The following GSTA1 variants were observed in gnomAD, a reference collection of about 807,000 sequenced individuals.
GSTA1 encodes the protein glutathione S-transferase alpha 1, also known as glutathione S-transferase A1.
Under a neutral mutation model 21.5 loss-of-function variants are expected in GSTA1, and 23 were observed. That is an observed-to-expected ratio of 1.07 (90% confidence interval 0.77 to 1.52). The LOEUF (loss-of-function observed/expected upper bound fraction) is 1.52, where lower values mean the gene tolerates loss of function less well. Among genes scored for constraint, GSTA1 ranks in the 40% most tolerant of loss-of-function variants. The pLI is 0.00. For synonymous variants in GSTA1, 125 were observed against 90.0 expected, an observed-to-expected ratio of 1.39 and a Z score of -2.20; for missense variants, 301 against 264.2, an observed-to-expected ratio of 1.14 and a Z score of -0.96.
intron 6 of GSTA1, among the ~76,000 whole-genome samples, chr6:52,792,307 C>A (rs1271903873): frequency 6.6e-6 from 1 of 150,718 alleles, no homozygotes; most frequent in Non-Finnish European, 1.5e-5. Context: ...AGATGAGTCT[C>A]TAAGCAGAAG....
intron 1 of GSTA1, among the ~76,000 whole-genome samples, chr6:52,802,835 T>C (rs1763748706): frequency 1.3e-5 from 2 of 152,208 alleles, no homozygotes; most frequent in South Asian, 4.1e-4. Flanking sequence ...AAATCTGTCA[T>C]ATGATGGCTC....
Position 52,794,182 on chromosome 6 carries a change from G to C in GSTA1, c.357C>G (p.Ala119=). The part of the protein sequence containing the change: ...LPVCPPEEKD[A]KLALIKEKIK... ...TTTTCTCTTTGATCAAGGCAAGCTT[G>C]GCATCTTTTTCCTCAGGTGGACATA... The change falls in exon 5 of 7, where the codon GCC becomes GCG. Residue 119 remains alanine (A), a synonymous_variant. Transcript: ENST00000334575. 6.2e-7 allele frequency: 1 copy of C among 1,614,024 alleles called. No individual in the cohort carries two copies. The highest frequency in any genetic ancestry group is 8.5e-7 in the Non-Finnish European group (1 of 1,179,938).
intron 3 of GSTA1, among the ~76,000 whole-genome samples, chr6:52,796,708 A>G (rs1763599619): frequency 6.6e-6 from 1 of 150,406 alleles, no homozygotes; most frequent in Admixed American, 6.6e-5. Flanking sequence ...GCACATGGCT[A>G]ATTTTTGTAT....
At chr6:52,794,684 T>G (rs759993545) in intron 4 of GSTA1, among the ~76,000 whole-genome samples, 1 of 152,238 alleles carries the variant, frequency 6.6e-6, no homozygotes, top group Non-Finnish European at 1.5e-5. Flanking sequence ...CACAGCCATG[T>G]CAGCCATATT....
intron 1 of GSTA1, among the ~76,000 whole-genome samples, chr6:52,801,473 G>C (rs1431923422): frequency 6.6e-6 from 1 of 152,176 alleles, no homozygotes; most frequent in African/African-American, 2.4e-5. Flanking sequence ...TTGTTTAATT[G>C]TTATCGACTA....
rs1353639550 is a variant in GSTA1 at position 52,791,586 on chromosome 6, A to G, written c.*272T>C. On this transcript the variant is annotated 3_prime_UTR_variant, in exon 7 of 7. Coordinates refer to ENST00000334575, the MANE Select transcript of GSTA1 (RefSeq NM_145740.5). The stretch of plus-strand genomic sequence containing the variant: ...CTTGGAAAAGTCAAACAAACCACAT[A>G]ATCTATAGTTTCCTTTTTTACTGAA... 1.9e-5 allele frequency: 7 copies of G among 366,290 alleles called. No individual in the cohort carries two copies. Among genetic ancestry groups the G allele is most frequent in the Non-Finnish European group, 2.5e-5 (5 of 203,142 alleles). The allele number at this position is 366,290 out of a possible 1,614,324, so 22.7% of individuals were successfully genotyped here.
At position 52,793,104 on chromosome 6, in the gene GSTA1, G is replaced by A. The variant is rs1366199581; in HGVS notation, c.415-117C>T. On this transcript the variant is annotated intron_variant, in intron 5 of 6. Coordinates refer to ENST00000334575, the MANE Select transcript of GSTA1 (RefSeq NM_145740.5). ...ACCTCTGTTGCCTTACTGCATGGGT[G>A]CAGAAATCCAGAGCTTTCTCCACAT... is the stretch of plus-strand genomic sequence containing the variant. 7 of 1,411,548 alleles carry A rather than the reference G, an allele frequency of 5.0e-6. No individual in the cohort carries two copies. The East Asian group carries it at 1.1e-4, about 23-fold the overall frequency. 87.4% of individuals were successfully genotyped at this position (1,411,548 alleles called of 1,614,324 possible).
At chr6:52,803,123 A>C (rs1453924937) in intron 1 of GSTA1, among the ~76,000 whole-genome samples, 2 of 152,138 alleles carry the variant, frequency 1.3e-5, no homozygotes, top group Non-Finnish European at 2.9e-5. Context: ...TCAGATAGGT[A>C]GAGGCCAGGG....
chr6:52,793,039 C>G (rs140712370), intron 5 of GSTA1, 52 bp from the exon 6 acceptor site: 2 of 1,612,540 alleles, frequency 1.2e-6, no homozygotes, highest in South Asian at 2.2e-5. Context: ...CAGGCTAGGA[C>G]CCCTGCTTCT....
chr6:52,801,844 A>T (rs1581799787), intron 1 of GSTA1, among the ~76,000 whole-genome samples: 1 of 152,262 alleles, frequency 6.6e-6, no homozygotes, highest in African/African-American at 2.4e-5. Context: ...GGGCACACTG[A>T]GTTTCAGAGA....
rs75442307 is a variant in GSTA1, at chr6:52,799,253, G to C, written c.15C>G (p.Pro5=). Residue 5 remains proline, a synonymous_variant, in exon 2 of 7, where the codon CCC becomes CCG. Transcript: ENST00000334575. ...CCCGTGCATTGAAGTAGTGGAGCTT[G>C]GGCTTCTCTGCCATGATAGCAGTCT... is the stretch of plus-strand genomic sequence containing the variant. MAEK[P]KLHYFNARGR... is the part of the protein sequence containing the mutation. The C allele has an allele frequency of 1.9e-6, 3 of 1,613,590 alleles. No individual in the cohort carries two copies. The highest frequency in any genetic ancestry group is 2.5e-6 in the Non-Finnish European group (3 of 1,179,796).
rs1763452207 is a variant in GSTA1 at position 52,791,492 on chromosome 6, T to C, written c.*366A>G. ...CTCTTCTCCTGTGCATACCTGAAAA[T>C]GTCAGAAGTGCATTTCTACATTGAC... On this transcript the variant is annotated 3_prime_UTR_variant, in exon 7 of 7. Transcript: ENST00000334575. 1.3e-5 allele frequency among the ~76,000 whole-genome samples: 2 copies of C among 152,216 alleles called. 1 individual carries two copies. Among genetic ancestry groups the C allele is most frequent in the South Asian group, 4.1e-4 (2 of 4,832 alleles).
chr6:52,792,461 A>G (rs1236803077), intron 6 of GSTA1, among the ~76,000 whole-genome samples: 1 of 152,158 alleles, frequency 6.6e-6, no homozygotes, highest in Non-Finnish European at 1.5e-5. Flanking sequence ...ACAATGTCAG[A>G]CAGCAGGAGC....
Position 52,794,208 on chromosome 6 carries a change from C to T in GSTA1, c.331G>A (p.Val111Ile), listed in dbSNP as rs1051733. 205 of 1,613,672 alleles carry T rather than the reference C, an allele frequency of 1.3e-4. 1 individual carries two copies. Among genetic ancestry groups the T allele is most frequent in the East Asian group, 4.5e-5 (2 of 44,880 alleles). The part of the protein sequence containing the change: ...DLGEMILLLP[V>I]CPPEEKDAKL... ...GCATCTTTTTCCTCAGGTGGACATA[C>T]GGGCAGAAGGAGGATCATTTCACCC... Residue 111 changes from valine (V) to isoleucine (I), a missense_variant, in exon 5 of 7, where the codon GTA (valine) becomes ATA (isoleucine). Coordinates refer to ENST00000334575, the MANE Select transcript of GSTA1 (RefSeq NM_145740.5).
At position 52,791,732 on chromosome 6, in the gene GSTA1, A is replaced by T; in HGVS notation, c.*126T>A. On this transcript the variant is annotated 3_prime_UTR_variant, in exon 7 of 7. Coordinates refer to ENST00000334575, the MANE Select transcript of GSTA1 (RefSeq NM_145740.5). ...CGAATAGGAGTTGTATTATTTAATT[A>T]GCATATAATTTGAAAGAGTTCATTA... The T allele has an allele frequency of 1.9e-6, 2 of 1,067,748 alleles. 1 individual carries two copies. Among genetic ancestry groups the T allele is most frequent in the Admixed American group, 4.8e-5 (2 of 41,858 alleles). The allele number at this position is 1,067,748 out of a possible 1,614,324, so 66.1% of individuals were successfully genotyped here. A position where few individuals can be genotyped will look rare whatever the true frequency, so the allele number is the denominator to read the frequency against.
chr6:52,796,455 CTATATATATATATATATATA>C (rs70977384), intron 3 of GSTA1, 141 bp from the exon 4 acceptor site: 21,084 of 250,990 alleles, frequency 0.084, 5,947 homozygotes, highest in Non-Finnish European at 0.094. Flanking sequence ...GAAACAAAAA[CTATATATATATATATATATA>C]TATATATATA....
rs182891188 is a variant in GSTA1 at position 52,799,126 on chromosome 6, G to A, written c.87+55C>T. 22 of 1,508,770 alleles carry A rather than the reference G, an allele frequency of 1.5e-5. No homozygotes were observed. The East Asian group carries it at 4.1e-4, about 28-fold the overall frequency. 93.5% of individuals were successfully genotyped at this position (1,508,770 alleles called of 1,614,324 possible). On this transcript the variant is annotated intron_variant, in intron 2 of 6. Coordinates refer to ENST00000334575, the MANE Select transcript of GSTA1 (RefSeq NM_145740.5). ...ACATCTCATAGTTTCTGTGGGAAAA[G>A]TATGTGATAACACAATTTTAAATCC...
intron 1 of GSTA1, 83 bp from the exon 2 acceptor site, chr6:52,799,380 C>G: frequency 2.3e-6 from 2 of 868,946 alleles, no homozygotes; most frequent in South Asian, 1.7e-5. Context: ...AAACCACCAA[C>G]AATACTGAAG....
At chr6:52,800,398 T>G (rs572439560) in intron 1 of GSTA1, among the ~76,000 whole-genome samples, 3 of 152,332 alleles carry the variant, frequency 2.0e-5, no homozygotes, top group African/African-American at 2.4e-5. Context: ...TGAAAGCCCA[T>G]TACTTTTAAA....
Sources: gnomAD v4.1 joint callset for allele counts (sites outside exome capture counted in the v4.1 genomes callset) on GRCh38, gnomAD v4.1.1 for gene constraint, MANE v1.5 for transcripts, NCBI Gene and HGNC (gene_info 2026-07-23, HGNC 2026-07-21) for gene names.